Variants in COBL observed in about 807,000 individuals in gnomAD.
The protein encoded by COBL is protein cordon-bleu.
In COBL, 51 loss-of-function variants were observed where a neutral mutation model predicts 98.8. The ratio of observed to expected loss-of-function variants is 0.52; its 90% CI spans 0.41 to 0.65. The LOEUF (loss-of-function observed/expected upper bound fraction) is 0.65, where lower values mean the gene tolerates loss of function less well. Among genes scored for constraint, COBL ranks in the 30% least tolerant of loss-of-function variants. COBL has a pLI of 0.00. For synonymous variants in COBL, 634 were observed against 651.7 expected (o/e 0.97, Z 0.41); for missense variants, 1,617 against 1,617.5 (o/e 1.00, Z 0.01).
At chr7:51,262,544 C>T (rs1797812965) in intron 1 of COBL, among the ~76,000 whole-genome samples, 1 of 152,170 alleles carries the variant, frequency 6.6e-6, no homozygotes, top group East Asian at 1.9e-4. Context: ...CTAGTAAGAG[C>T]GCACAGGAAG....
intron 4 of COBL, among the ~76,000 whole-genome samples, chr7:51,189,500 G>A (rs1460538527): frequency 2.0e-5 from 3 of 152,160 alleles, no homozygotes; most frequent in Non-Finnish European, 4.4e-5. Flanking sequence ...CGGGCATGGT[G>A]GGAGGTGCCT....
In COBL at chr7:51,028,969, T is replaced by C; in HGVS notation, c.2127A>G (p.Lys709=). 1.2e-6 allele frequency: 2 copies of C among 1,614,156 alleles called. No homozygotes were observed. The highest frequency in any genetic ancestry group is 3.3e-5 in the Admixed American group (2 of 60,010). ...YRLKHGLTTY[K]IIPPKSEMRC... Reference sequence around the variant, plus strand: ...GCATCTCTGACTTTGGAGGAATGATTTTATACGTTGTGAGGCCGTGCTTAA... The same window carrying C: ...GCATCTCTGACTTTGGAGGAATGATCTTATACGTTGTGAGGCCGTGCTTAA... Residue 709 remains lysine, a synonymous_variant, in exon 10 of 13, where the codon AAA becomes AAG. Coordinates refer to ENST00000265136, the MANE Select transcript of COBL (RefSeq NM_015198.5).
intron 6 of COBL, among the ~76,000 whole-genome samples, chr7:51,133,232 C>G: frequency 6.6e-6 from 1 of 152,098 alleles, no homozygotes; most frequent in East Asian, 1.9e-4. Context: ...ATGAGGGTTC[C>G]CTGGGTCCCA....
At chr7:51,063,535 A>G (rs991354029) in intron 7 of COBL, among the ~76,000 whole-genome samples, 6 of 152,216 alleles carry the variant, frequency 3.9e-5, no homozygotes, top group African/African-American at 7.2e-5. Flanking sequence ...CTCCAGTATG[A>G]CTGAATCAGG....
At chr7:51,226,689 T>C (rs895944627) in intron 1 of COBL, among the ~76,000 whole-genome samples, 7 of 152,126 alleles carry the variant, frequency 4.6e-5, no homozygotes, top group African/African-American at 1.7e-4. Context: ...GACAGCTGAG[T>C]GCTACCGCAG....
intron 1 of COBL, among the ~76,000 whole-genome samples, chr7:51,287,286 G>C (rs1337588577): frequency 6.6e-6 from 1 of 152,014 alleles, no homozygotes; most frequent in Non-Finnish European, 1.5e-5. Context: ...CACAGAATAA[G>C]AAAACAAACA....
At chr7:51,303,485 C>T (rs997199706) in intron 1 of COBL, among the ~76,000 whole-genome samples, 1 of 152,246 alleles carries the variant, frequency 6.6e-6, no homozygotes, top group African/African-American at 2.4e-5. Context: ...AGGGTGACAT[C>T]CCCAGCCCTC....
intron 1 of COBL, among the ~76,000 whole-genome samples, chr7:51,251,281 G>C (rs1260599832): frequency 2.0e-5 from 3 of 152,146 alleles, no homozygotes; most frequent in Non-Finnish European, 4.4e-5. Flanking sequence ...AACTCTAGGA[G>C]CTCAAAGAAC....
chr7:51,309,426 C>G (rs1259607965), intron 1 of COBL, among the ~76,000 whole-genome samples: 1 of 152,158 alleles, frequency 6.6e-6, no homozygotes, highest in Non-Finnish European at 1.5e-5. Flanking sequence ...GAATTATCTC[C>G]TCTTTAAGCC....
At chr7:51,240,795 G>A (rs939763659) in intron 1 of COBL, among the ~76,000 whole-genome samples, 6 of 152,046 alleles carry the variant, frequency 3.9e-5, no homozygotes, top group Admixed American at 3.3e-4. Flanking sequence ...TACCCACCTC[G>A]GCTTCCCAAA....
At chr7:51,152,356 C>T (rs191573549) in intron 5 of COBL, among the ~76,000 whole-genome samples, 1 of 152,166 alleles carries the variant, frequency 6.6e-6, no homozygotes, top group South Asian at 2.1e-4. Context: ...TCTTAGCTAC[C>T]CTGAATCCCA....
At chr7:51,130,672 T>C (rs1478474300) in intron 6 of COBL, among the ~76,000 whole-genome samples, 1 of 152,208 alleles carries the variant, frequency 6.6e-6, no homozygotes, top group Admixed American at 6.5e-5. Flanking sequence ...CCCCTGGGTG[T>C]CCTCTCTGCG....
intron 6 of COBL, among the ~76,000 whole-genome samples, chr7:51,130,426 G>A (rs1447273326): frequency 2.0e-5 from 3 of 152,202 alleles, no homozygotes; most frequent in African/African-American, 4.8e-5. Context: ...ATAAGAAACA[G>A]AAGGCAGACT....
intron 6 of COBL, among the ~76,000 whole-genome samples, chr7:51,111,617 T>C (rs895319090): frequency 6.6e-6 from 1 of 152,124 alleles, no homozygotes; most frequent in Non-Finnish European, 1.5e-5. Flanking sequence ...CATCCATCCT[T>C]CAAGGCCCAT....
At chr7:51,048,210 C>T (rs1196572247) in intron 7 of COBL, among the ~76,000 whole-genome samples, 1 of 152,002 alleles carries the variant, frequency 6.6e-6, no homozygotes, top group Non-Finnish European at 1.5e-5. Context: ...TTGGCATATC[C>T]CTCCAAATAA....
intron 1 of COBL, among the ~76,000 whole-genome samples, chr7:51,305,231 A>G (rs1802348355): frequency 6.6e-6 from 1 of 152,206 alleles, no homozygotes; most frequent in African/African-American, 2.4e-5. Flanking sequence ...AATGAAGTGC[A>G]TCCCCTTCCT....
intron 1 of COBL, among the ~76,000 whole-genome samples, chr7:51,224,684 A>AT (rs1794011777): frequency 6.6e-6 from 1 of 151,874 alleles, no homozygotes; most frequent in African/African-American, 2.4e-5. Flanking sequence ...TTTTATTATT[A>AT]TTTTTTCTTT....
intron 5 of COBL, among the ~76,000 whole-genome samples, chr7:51,145,575 C>T (rs1342095583): frequency 1.3e-5 from 2 of 151,864 alleles, no homozygotes; most frequent in Non-Finnish European, 2.9e-5. Flanking sequence ...GATGGGGTTT[C>T]GCCATGTTGG....
intron 6 of COBL, among the ~76,000 whole-genome samples, chr7:51,121,332 C>T (rs1167429084): frequency 1.3e-5 from 2 of 152,134 alleles, no homozygotes; most frequent in Admixed American, 1.3e-4. Flanking sequence ...GGAGAAATGT[C>T]TATTTAAGCC....
Sources: allele counts gnomAD v4.1 joint callset (sites outside exome capture counted in the v4.1 genomes callset), GRCh38; gene constraint gnomAD v4.1.1; transcripts MANE v1.5; gene names NCBI Gene and HGNC (gene_info 2026-07-23, HGNC 2026-07-21).